Variants in PIR observed in about 807,000 individuals in gnomAD.
PIR encodes the protein pirin, also known as pirin (iron-binding nuclear protein).
Under a neutral mutation model 24.2 loss-of-function variants are expected in PIR, and 22 were observed. The ratio of observed to expected loss-of-function variants is 0.91; its 90% CI spans 0.65 to 1.30. PIR has a LOEUF of 1.30. Among genes scored for constraint, PIR ranks in the 50% most tolerant of loss-of-function variants. The pLI, the probability that PIR is intolerant of heterozygous loss-of-function variation, is 0.00. For missense variants in PIR, 220 were observed against 220.3 expected (o/e 1.00, Z 0.01); for synonymous variants, 80 against 79.6 (o/e 1.00, Z -0.03).
intron 7 of PIR, among the ~76,000 whole-genome samples, chrX:15,402,723 C>T (rs1924429619): frequency 9.1e-6 from 1 of 109,725 alleles, no homozygotes; most frequent in Non-Finnish European, 1.9e-5. Context: ...TTTCTACTCT[C>T]TATGTTCATG....
rs189892969 is a variant in PIR, at chrX:15,447,107, C to G, written c.480+8741G>C. ...GATATAATTTACATACTATAAACTT[C>G]TAATGCTTCCAGTAATCAGAATTTT... On this transcript the variant is annotated intron_variant, in intron 5 of 9. Transcript: ENST00000380420. Among the ~76,000 whole-genome samples, 48 of 112,077 alleles carry G rather than the reference C, an allele frequency of 4.3e-4. 1 individual carries two copies. The highest frequency in any genetic ancestry group is 4.1e-3 in the Admixed American group (43 of 10,581).
chrX:15,395,155 T>A (rs1924086908), intron 8 of PIR, among the ~76,000 whole-genome samples: 1 of 111,941 alleles, frequency 8.9e-6, no homozygotes, highest in African/African-American at 3.2e-5. Flanking sequence ...TAACACTGGC[T>A]TGGAGCGTGA....
intron 3 of PIR, among the ~76,000 whole-genome samples, chrX:15,460,693 C>A (rs761503916): frequency 1.8e-5 from 2 of 111,383 alleles, no homozygotes; most frequent in Admixed American, 9.5e-5. Context: ...AAGAGAGTAA[C>A]CTTCTGTGCT....
At chrX:15,396,651 A>C (rs1414400226) in intron 8 of PIR, among the ~76,000 whole-genome samples, 1 of 111,856 alleles carries the variant, frequency 8.9e-6, no homozygotes, top group African/African-American at 3.3e-5. Flanking sequence ...CAAGACTCCT[A>C]AAATATCAGA....
chrX:15,401,669 C>T (rs1209727928), intron 7 of PIR, among the ~76,000 whole-genome samples: 1 of 111,925 alleles, frequency 8.9e-6, no homozygotes, highest in Non-Finnish European at 1.9e-5. Flanking sequence ...AATTTAATAG[C>T]ACAGTTAAGG....
intron 6 of PIR, chrX:15,407,780 C>A (rs1924597383): frequency 5.2e-6 from 2 of 385,254 alleles, no homozygotes; most frequent in Non-Finnish European, 9.1e-6. Context: ...GACTTGGTCC[C>A]AAATATTTAA....
intron 5 of PIR, among the ~76,000 whole-genome samples, chrX:15,447,559 CCGGCCGCCT>C (rs1222707222): frequency 8.9e-6 from 1 of 111,957 alleles, no homozygotes; most frequent in Non-Finnish European, 1.9e-5. Flanking sequence ...ACCTCGTGAT[CCGGCCGCCT>C]CGGCCTCCCA....
At chrX:15,408,854 G>A (rs906742129) in intron 6 of PIR, among the ~76,000 whole-genome samples, 5 of 111,816 alleles carry the variant, frequency 4.5e-5, no homozygotes, top group Non-Finnish European at 9.4e-5. Context: ...AGATATGACT[G>A]TCATGGCAGA....
chrX:15,403,993 C>CTTTTTTTTTTTTTTTTTTTTTTTTTTT (rs151011282), intron 7 of PIR, among the ~76,000 whole-genome samples: 1 of 89,910 alleles, frequency 1.1e-5, no homozygotes. Flanking sequence ...CCAGCATTTT[C>CTTTTTTTTTTTTTTTTTTTTTTTTTTT]TTTTTTTTTT....
At chrX:15,437,857 C>T (rs1925798806) in intron 5 of PIR, among the ~76,000 whole-genome samples, 1 of 112,580 alleles carries the variant, frequency 8.9e-6, no homozygotes, top group African/African-American at 3.2e-5. Context: ...TCCTTCAGGT[C>T]TCTTGCCCTA....
At chrX:15,462,198 T>A (rs1018766914) in intron 3 of PIR, among the ~76,000 whole-genome samples, 1 of 112,480 alleles carries the variant, frequency 8.9e-6, no homozygotes. Flanking sequence ...GTGATTACTC[T>A]AGCAAATAAA....
intron 7 of PIR, among the ~76,000 whole-genome samples, chrX:15,398,666 G>GTGT (rs1924265525): frequency 2.5e-5 from 1 of 39,651 alleles, no homozygotes; most frequent in Non-Finnish European, 6.5e-5. Flanking sequence ...CTTGAGGAGG[G>GTGT]AGGGTGTGTG....
In PIR at chrX:15,387,983, GT is replaced by G. The variant is rs746752345; in HGVS notation, c.760+2201del. On this transcript the variant is annotated intron_variant, in intron 9 of 9. Coordinates refer to ENST00000380420, the MANE Select transcript of PIR (RefSeq NM_001018109.3). ...ACTTTAGGAAACAAGTATAACCTCT[GT>G]TATACAGGGAAGCATTGGAAGCTTA... is the stretch of plus-strand genomic sequence containing the variant. Among the ~76,000 whole-genome samples, 4 of 111,707 alleles carry G rather than the reference GT, an allele frequency of 3.6e-5. No individual in the cohort carries two copies. In the East Asian group the frequency reaches 1.1e-3, roughly 31 times the overall value.
At chrX:15,461,056 T>A (rs758971176) in intron 3 of PIR, among the ~76,000 whole-genome samples, 110 of 111,685 alleles carry the variant, frequency 9.8e-4, no homozygotes, top group African/African-American at 3.4e-3. Context: ...AGCAGATGCA[T>A]CCCTGAGCCT....
At chrX:15,427,015 C>T (rs1925339711) in intron 5 of PIR, among the ~76,000 whole-genome samples, 1 of 111,613 alleles carries the variant, frequency 9.0e-6, no homozygotes, top group African/African-American at 3.3e-5. Context: ...ATGTAATATA[C>T]AGTGGAATAC....
chrX:15,403,682 C>G (rs1470269912), intron 7 of PIR, among the ~76,000 whole-genome samples: 1 of 111,031 alleles, frequency 9.0e-6, no homozygotes, highest in Non-Finnish European at 1.9e-5. Flanking sequence ...TCAAAGGTCT[C>G]TCCCTCTATT....
intron 9 of PIR, among the ~76,000 whole-genome samples, chrX:15,386,478 G>C (rs1923753592): frequency 8.9e-6 from 1 of 112,179 alleles, no homozygotes; most frequent in Non-Finnish European, 1.9e-5. Flanking sequence ...ACATAAAGAT[G>C]AAAGACAAAT....
chrX:15,407,117 AT>A, intron 7 of PIR, among the ~76,000 whole-genome samples: 1 of 112,569 alleles, frequency 8.9e-6, no homozygotes. Context: ...GGAAACTAGC[AT>A]TGCAAATTCA....
chrX:15,423,549 G>A (rs890333921), intron 6 of PIR, among the ~76,000 whole-genome samples: 1 of 110,803 alleles, frequency 9.0e-6, no homozygotes, highest in African/African-American at 3.3e-5. Context: ...CCAGGAGGTG[G>A]AGGTTGCAGT....
Sources: allele counts gnomAD v4.1 joint callset (sites outside exome capture counted in the v4.1 genomes callset), GRCh38; gene constraint gnomAD v4.1.1; transcripts MANE v1.5; gene names NCBI Gene and HGNC (gene_info 2026-07-23, HGNC 2026-07-21).